The following NGF variants were observed in gnomAD, a reference collection of about 807,000 sequenced individuals.
The protein encoded by NGF is nerve growth factor, also known as beta-nerve growth factor.
Under a neutral mutation model 12.8 loss-of-function variants are expected in NGF, and 4 were observed. The observed-to-expected ratio is 0.31, with a 90% CI of 0.15 to 0.72. The LOEUF (loss-of-function observed/expected upper bound fraction) is 0.72. Among genes scored for constraint, NGF ranks in the 30% least tolerant of loss-of-function variants. The pLI, the probability that NGF is intolerant of heterozygous loss-of-function variation, is 0.69. For missense variants in NGF, 283 were observed against 330.8 expected, an observed-to-expected ratio of 0.86 and a Z score of 1.12; for synonymous variants, 140 against 130.0, an observed-to-expected ratio of 1.08 and a Z score of -0.52.
intron 1 of NGF, among the ~76,000 whole-genome samples, chr1:115,335,341 C>T (rs1030232929): frequency 5.9e-5 from 9 of 152,184 alleles, no homozygotes; most frequent in Non-Finnish European, 1.2e-4. Flanking sequence ...TGTTATCAAG[C>T]GATGTCTCAT....
chr1:115,314,283 G>A (rs1421966686), intron 1 of NGF, among the ~76,000 whole-genome samples: 1 of 152,136 alleles, frequency 6.6e-6, no homozygotes, highest in Non-Finnish European at 1.5e-5. Context: ...CCAGAGCTTG[G>A]CTTTGCATGC....
chr1:115,299,528 A>G (rs1377482288), intron 1 of NGF, among the ~76,000 whole-genome samples: 1 of 152,168 alleles, frequency 6.6e-6, no homozygotes, highest in Non-Finnish European at 1.5e-5. Flanking sequence ...GGAGGTTTTC[A>G]AAGTGTGGGT....
intron 2 of NGF, among the ~76,000 whole-genome samples, chr1:115,291,443 T>C (rs1232078626): frequency 6.6e-6 from 1 of 152,264 alleles, no homozygotes; most frequent in African/African-American, 2.4e-5. Context: ...TCTGGCTTTA[T>C]TAAGCAGAGC....
At chr1:115,325,769 T>A (rs1447927981) in intron 1 of NGF, among the ~76,000 whole-genome samples, 1 of 152,020 alleles carries the variant, frequency 6.6e-6, no homozygotes, top group Admixed American at 6.6e-5. Flanking sequence ...CTATAAGAAG[T>A]GATTGGATTC....
At chr1:115,338,010 C>A (rs1258854971) in intron 1 of NGF, among the ~76,000 whole-genome samples, 194 bp downstream of exon 1, 1 of 152,188 alleles carries the variant, frequency 6.6e-6, no homozygotes, top group African/African-American at 2.4e-5. Flanking sequence ...GACTCGTCCT[C>A]CCGCGAGGGT....
At chr1:115,330,726 GACTTC>G (rs1654896249) in intron 1 of NGF, among the ~76,000 whole-genome samples, 2 of 94,458 alleles carry the variant, frequency 2.1e-5, no homozygotes, top group Admixed American at 1.0e-4. Context: ...TGGACTCGGT[GACTTC>G]ACTCCAAGCA....
At chr1:115,316,441 T>A (rs1461195428) in intron 1 of NGF, among the ~76,000 whole-genome samples, 1 of 152,202 alleles carries the variant, frequency 6.6e-6, no homozygotes, top group African/African-American at 2.4e-5. Flanking sequence ...ATTGGTGTCA[T>A]CTTTAAAAGA....
chr1:115,304,705 T>G (rs561452909), intron 1 of NGF, among the ~76,000 whole-genome samples: 10 of 152,256 alleles, frequency 6.6e-5, no homozygotes, highest in African/African-American at 2.4e-4. Context: ...GGCACCCCTC[T>G]GGCTAGTCCA....
intron 1 of NGF, among the ~76,000 whole-genome samples, chr1:115,308,760 A>G (rs1049445481): frequency 2.0e-5 from 3 of 152,194 alleles, no homozygotes; most frequent in African/African-American, 7.2e-5. Flanking sequence ...GAAAGAAGAC[A>G]AAGTGAGAGA....
At chr1:115,317,025 G>A (rs1187005039) in intron 1 of NGF, among the ~76,000 whole-genome samples, 4 of 151,800 alleles carry the variant, frequency 2.6e-5, no homozygotes, top group Admixed American at 6.6e-5. Flanking sequence ...TTACTTTAGC[G>A]ATCTAGAAGT....
intron 1 of NGF, among the ~76,000 whole-genome samples, chr1:115,304,996 C>G (rs1654159753): frequency 6.6e-6 from 1 of 152,042 alleles, no homozygotes; most frequent in Admixed American, 6.6e-5. Flanking sequence ...ATAGAAATCC[C>G]CAAGAGTCCT....
At chr1:115,326,280 T>C (rs753736541) in intron 1 of NGF, among the ~76,000 whole-genome samples, 2 of 152,158 alleles carry the variant, frequency 1.3e-5, no homozygotes, top group Non-Finnish European at 2.9e-5. Flanking sequence ...ACATCTGCCT[T>C]AGACTGAGTA....
chr1:115,306,127 G>A (rs1654196538), intron 1 of NGF, among the ~76,000 whole-genome samples: 1 of 152,110 alleles, frequency 6.6e-6, no homozygotes, highest in African/African-American at 2.4e-5. Context: ...TTCATTTTTA[G>A]TCCAAAACAT....
At chr1:115,289,477 C>T (rs184223499) in intron 2 of NGF, among the ~76,000 whole-genome samples, 5 of 152,248 alleles carry the variant, frequency 3.3e-5, no homozygotes, top group East Asian at 1.9e-4. Flanking sequence ...AGGAGCCCAT[C>T]GAAATTTCTG....
At chr1:115,300,337 G>C (rs975358620) in intron 1 of NGF, among the ~76,000 whole-genome samples, 1 of 152,174 alleles carries the variant, frequency 6.6e-6, no homozygotes, top group Non-Finnish European at 1.5e-5. Context: ...CAATTAAGGA[G>C]GGATAAGGGA....
intron 1 of NGF, among the ~76,000 whole-genome samples, chr1:115,297,279 T>A (rs1163594814): frequency 6.6e-6 from 1 of 152,214 alleles, no homozygotes; most frequent in Admixed American, 6.5e-5. Context: ...GCTTCCACCT[T>A]GTTCCTCCTC....
At chr1:115,336,234 T>C (rs1374112079) in intron 1 of NGF, among the ~76,000 whole-genome samples, 1 of 152,192 alleles carries the variant, frequency 6.6e-6, no homozygotes, top group Non-Finnish European at 1.5e-5. Flanking sequence ...GGGCCTGGGC[T>C]GCTGTTGGAA....
At chr1:115,328,699 T>C (rs2101053648) in intron 1 of NGF, among the ~76,000 whole-genome samples, 1 of 152,322 alleles carries the variant, frequency 6.6e-6, no homozygotes, top group East Asian at 1.9e-4. Flanking sequence ...CAGAAGCTCC[T>C]GCCAAAGTCA....
intron 1 of NGF, among the ~76,000 whole-genome samples, chr1:115,296,321 A>G (rs1046498456): frequency 1.2e-4 from 19 of 152,226 alleles, no homozygotes; most frequent in African/African-American, 4.6e-4. Context: ...TATAGGACAC[A>G]AAAAGCCTCC....
Sources: gnomAD v4.1 joint callset for allele counts (sites outside exome capture counted in the v4.1 genomes callset) on GRCh38, gnomAD v4.1.1 for gene constraint, MANE v1.5 for transcripts, NCBI Gene and HGNC (gene_info 2026-07-23, HGNC 2026-07-21) for gene names.